Variants in DMD observed in about 807,000 individuals in gnomAD.
DMD encodes dystrophin.
DMD carries 63 observed loss-of-function variants against 330.1 expected under a neutral mutation model. The ratio of observed to expected loss-of-function variants is 0.19; its 90% CI spans 0.16 to 0.24. DMD has a LOEUF of 0.24. Among genes scored for constraint, DMD ranks in the 10% least tolerant of loss-of-function variants. The pLI, the probability that DMD is intolerant of heterozygous loss-of-function variation, is 1.00. For missense variants in DMD, 3,344 were observed against 2,684.1 expected (o/e 1.25, Z -5.43); for synonymous variants, 1,223 against 959.8 (o/e 1.27, Z -5.07).
intron 67 of DMD, among the ~76,000 whole-genome samples, chrX:31,187,755 G>A (rs868175237): frequency 1.3e-5 from 1 of 76,912 alleles, no homozygotes; most frequent in Non-Finnish European, 2.7e-5. Flanking sequence ...GAGAGAGAGA[G>A]AGAGAGAGAG....
intron 1 of DMD, among the ~76,000 whole-genome samples, chrX:33,119,883 A>G (rs1184066941): frequency 9.0e-6 from 1 of 111,702 alleles, no homozygotes; most frequent in African/African-American, 3.3e-5. Context: ...CTGCTGTTCC[A>G]TGAGCCTTTT....
intron 44 of DMD, among the ~76,000 whole-genome samples, chrX:32,211,038 G>A (rs182100450): frequency 8.9e-6 from 1 of 111,826 alleles, no homozygotes; most frequent in Admixed American, 9.5e-5. Flanking sequence ...AAGCTGAAGA[G>A]CAGCTAAAGG....
chrX:32,816,749 C>A, intron 5 of DMD, 109 bp from the exon 6 acceptor site: 1 of 736,953 alleles, frequency 1.4e-6, no homozygotes, highest in Non-Finnish European at 2.1e-6. Flanking sequence ...AATTTTAGGG[C>A]CAATTAGTAA....
intron 51 of DMD, among the ~76,000 whole-genome samples, chrX:31,757,704 C>T (rs187079364): frequency 3.0e-4 from 33 of 110,160 alleles, no homozygotes; most frequent in African/African-American, 9.6e-4. Flanking sequence ...CCTAATCACC[C>T]CCCCAAACCC....
At chrX:33,187,154 A>C (rs1218634541) in intron 1 of DMD, among the ~76,000 whole-genome samples, 1 of 112,317 alleles carries the variant, frequency 8.9e-6, no homozygotes, top group Non-Finnish European at 1.9e-5. Flanking sequence ...TATGATTTAC[A>C]TTGCTTACAG....
chrX:31,563,074 TA>T (rs753699261), intron 55 of DMD, among the ~76,000 whole-genome samples: 3 of 107,976 alleles, frequency 2.8e-5, no homozygotes, highest in African/African-American at 1.1e-4. Flanking sequence ...TTTATTTATT[TA>T]TTTTTTGAGA....
intron 44 of DMD, among the ~76,000 whole-genome samples, chrX:32,110,344 G>C (rs2066873703): frequency 9.0e-6 from 1 of 111,697 alleles, no homozygotes; most frequent in Non-Finnish European, 1.9e-5. Flanking sequence ...AGCTAAGGCT[G>C]ATCCTGGAAT....
At position 32,559,054 on chromosome X, in the gene DMD, A is replaced by G. The variant is rs188383536; in HGVS notation, c.1992+6648T>C. ...CAACCTCCACCTCCCGGGTTCAAGCAATTCTCCTGCCTCAGCCTCCCAAGT... is the reference window on the plus strand; with the variant it reads ...CAACCTCCACCTCCCGGGTTCAAGCGATTCTCCTGCCTCAGCCTCCCAAGT... On this transcript the variant is annotated intron_variant, in intron 16 of 78. Coordinates refer to ENST00000357033, the MANE Select transcript of DMD (RefSeq NM_004006.3). 9.6e-3 allele frequency among the ~76,000 whole-genome samples: 965 copies of G among 100,974 alleles called. 8 individuals carry two copies. Among genetic ancestry groups the G allele is most frequent in the Non-Finnish European group, 0.014 (743 of 51,345 alleles). The allele number at this position is 100,974 out of a possible 115,157, so 87.7% of individuals were successfully genotyped here.
chrX:31,543,617 T>G (rs1887823846), intron 55 of DMD, among the ~76,000 whole-genome samples: 1 of 112,507 alleles, frequency 8.9e-6, no homozygotes, highest in African/African-American at 3.2e-5. Flanking sequence ...AATAGTCCAT[T>G]TGGTGGATGT....
intron 1 of DMD, among the ~76,000 whole-genome samples, chrX:33,021,657 T>C (rs982092022): frequency 2.7e-5 from 3 of 111,666 alleles, no homozygotes; most frequent in African/African-American, 6.5e-5. Flanking sequence ...TATAAGTAGA[T>C]TCCTTTAGTC....
intron 1 of DMD, among the ~76,000 whole-genome samples, chrX:33,233,843 T>C (rs887987920): frequency 2.7e-5 from 3 of 112,309 alleles, no homozygotes; most frequent in Admixed American, 1.9e-4. Context: ...AGGTTAATTG[T>C]AACAAAATCC....
chrX:32,891,288 T>A (rs2085176305), intron 2 of DMD, among the ~76,000 whole-genome samples: 2 of 111,336 alleles, frequency 1.8e-5, no homozygotes, highest in Admixed American at 1.9e-4. Context: ...CTTTTCTCAA[T>A]CCCCTCATAT....
At chrX:33,200,181 C>A (rs996703933) in intron 1 of DMD, among the ~76,000 whole-genome samples, 2 of 111,415 alleles carry the variant, frequency 1.8e-5, no homozygotes, top group African/African-American at 6.5e-5. Flanking sequence ...TTATTAATAG[C>A]TTCTTAATTA....
At chrX:31,739,075 A>G (rs1159432066) in intron 51 of DMD, among the ~76,000 whole-genome samples, 2 of 111,929 alleles carry the variant, frequency 1.8e-5, no homozygotes, top group African/African-American at 6.5e-5. Flanking sequence ...TACATTAATT[A>G]AAAGAGTATA....
chrX:31,705,028 C>T (rs927083943), intron 52 of DMD, among the ~76,000 whole-genome samples: 1 of 112,108 alleles, frequency 8.9e-6, no homozygotes, highest in Non-Finnish European at 1.9e-5. Context: ...TTCATAGCTC[C>T]CAGTGGCCTT....
At chrX:32,652,530 C>G (rs1368617525) in intron 9 of DMD, among the ~76,000 whole-genome samples, 1 of 110,613 alleles carries the variant, frequency 9.0e-6, no homozygotes, top group Non-Finnish European at 1.9e-5. Flanking sequence ...TTAATCCAGT[C>G]TATCATCGAT....
chrX:32,875,210 G>A (rs1486279959), intron 2 of DMD, among the ~76,000 whole-genome samples: 1 of 111,253 alleles, frequency 9.0e-6, no homozygotes, highest in Non-Finnish European at 1.9e-5. Context: ...CCTCTTCATC[G>A]ACTCTTGAAC....
intron 11 of DMD, among the ~76,000 whole-genome samples, chrX:32,638,744 A>C (rs1240197575): frequency 8.9e-6 from 1 of 112,051 alleles, no homozygotes; most frequent in African/African-American, 3.2e-5. Context: ...GAATAACTTA[A>C]TTTAGTTGTT....
At chrX:32,626,355 C>T (rs1244733572) in intron 11 of DMD, among the ~76,000 whole-genome samples, 1 of 105,190 alleles carries the variant, frequency 9.5e-6, no homozygotes, top group East Asian at 2.8e-4. Flanking sequence ...TTAATCCCGG[C>T]TACTCAGGAG....
Sources: gnomAD v4.1 joint callset for allele counts (sites outside exome capture counted in the v4.1 genomes callset) on GRCh38, gnomAD v4.1.1 for gene constraint, MANE v1.5 for transcripts, NCBI Gene and HGNC (gene_info 2026-07-23, HGNC 2026-07-21) for gene names.